The following BLVRB variants were observed in gnomAD, a reference collection of about 807,000 sequenced individuals.
The protein encoded by BLVRB is flavin reductase (NADPH).
BLVRB carries 25 observed loss-of-function variants against 21.1 expected under a neutral mutation model. The observed-to-expected ratio is 1.19, with a 90% CI of 0.86 to 1.66. The LOEUF (loss-of-function observed/expected upper bound fraction) is 1.66, where lower values mean the gene tolerates loss of function less well. BLVRB is among the 40% of genes most tolerant of loss of function. BLVRB has a pLI of 0.00. For missense variants in BLVRB, 274 were observed against 282.7 expected (o/e 0.97, Z 0.22); for synonymous variants, 128 against 122.2 (o/e 1.05, Z -0.31).
At chr19:40,458,290 G>A (rs761424530) in intron 2 of BLVRB, 46 bp from the exon 3 acceptor site, 23 of 1,532,050 alleles carry the variant, frequency 1.5e-5, no homozygotes, top group South Asian at 4.8e-5. Flanking sequence ...CGGCGGCGGC[G>A]GCAGGGGTGG....
At chr19:40,464,826 C>T (rs945495154) in intron 1 of BLVRB, among the ~76,000 whole-genome samples, 11 of 152,160 alleles carry the variant, frequency 7.2e-5, no homozygotes, top group African/African-American at 2.7e-4. Flanking sequence ...TCTTCAGCGT[C>T]CCCAAGGCCT....
intron 1 of BLVRB, 136 bp downstream of exon 1, chr19:40,465,474 G>C: frequency 2.8e-6 from 3 of 1,079,146 alleles, no homozygotes; most frequent in Non-Finnish European, 4.0e-6. Flanking sequence ...GTGGCCACTT[G>C]CTTTGGCCCC....
intron 1 of BLVRB, 37 bp downstream of exon 1, chr19:40,465,573 C>T: frequency 6.3e-7 from 1 of 1,589,550 alleles, no homozygotes; most frequent in South Asian, 1.1e-5. Flanking sequence ...TTCTGCCCGT[C>T]TGTCCCGTGA....
At chr19:40,455,830 T>C (rs997255974) in intron 3 of BLVRB, among the ~76,000 whole-genome samples, 1 of 152,010 alleles carries the variant, frequency 6.6e-6, no homozygotes. Flanking sequence ...AATATGGCTG[T>C]TGGCCAGGTG....
intron 4 of BLVRB, 138 bp from the exon 5 acceptor site, chr19:40,448,184 C>T: frequency 1.2e-6 from 1 of 817,438 alleles, no homozygotes; most frequent in Non-Finnish European, 1.9e-6. Flanking sequence ...ATGGACTTTC[C>T]ATATGCAGGT....
At chr19:40,452,809 G>A (rs2145778007) in intron 3 of BLVRB, among the ~76,000 whole-genome samples, 1 of 152,064 alleles carries the variant, frequency 6.6e-6, no homozygotes. Context: ...AGGTTGCAGT[G>A]AGCTGAGATC....
At chr19:40,451,846 T>C (rs1284435362) in intron 3 of BLVRB, among the ~76,000 whole-genome samples, 1 of 152,202 alleles carries the variant, frequency 6.6e-6, no homozygotes, top group African/African-American at 2.4e-5. Context: ...GGCTCGCTTG[T>C]CTTGATGCCA....
intron 3 of BLVRB, chr19:40,457,765 C>T (rs2079767935): frequency 8.8e-6 from 2 of 225,992 alleles, no homozygotes; most frequent in South Asian, 1.4e-4. Flanking sequence ...AGTGTCTATC[C>T]ACAGCTCTAT....
chr19:40,465,669 G>A lies in BLVRB; in HGVS notation c.20C>T (p.Ala7Val), dbSNP rs201245832. MAVKKIAIFGATGQTGL... is the reference protein window; with the variant it reads MAVKKIVIFGATGQTGL... ...GGTCTGGCCAGTGGCGCCGAAGATCGCGATCTTCTTGACGGCCATCGTACG... is the reference window on the plus strand; with the variant it reads ...GGTCTGGCCAGTGGCGCCGAAGATCACGATCTTCTTGACGGCCATCGTACG... The change falls in exon 1 of 5, where the codon GCG (alanine) becomes GTG (valine). Residue 7 changes from alanine (A) to valine (V), a missense_variant. Ala to Val is a moderately conservative substitution (Grantham distance 64, BLOSUM62 0). Transcript: ENST00000263368. 20 of 1,612,828 alleles carry A rather than the reference G, an allele frequency of 1.2e-5. No individual in the cohort carries two copies. In the East Asian group the frequency reaches 2.5e-4, roughly 20 times the overall value.
At chr19:40,453,527 A>G (rs2079749772) in intron 3 of BLVRB, among the ~76,000 whole-genome samples, 1 of 152,218 alleles carries the variant, frequency 6.6e-6, no homozygotes, top group South Asian at 2.1e-4. Flanking sequence ...AACTTGGCCA[A>G]GCTACACCAG....
At chr19:40,459,517 G>T (rs1390962924) in intron 1 of BLVRB, among the ~76,000 whole-genome samples, 1 of 149,336 alleles carries the variant, frequency 6.7e-6, no homozygotes, top group South Asian at 2.2e-4. Flanking sequence ...GCACAATCTC[G>T]GCTCACTGCA....
chr19:40,459,327 C>CAAAAAAAAAAAAAAAAA lies in BLVRB; in HGVS notation c.80-799_80-783dup, dbSNP rs751696189. On this transcript the variant is annotated intron_variant, in intron 1 of 4. Transcript: ENST00000263368. ...TGGATGACAAAGCGAGACTCTATCT[C>CAAAAAAAAAAAAAAAAA]AAAAAAAAAAAAAAAAAAAAAAAAA... Among the ~76,000 whole-genome samples the CAAAAAAAAAAAAAAAAA allele has an allele frequency of 5.8e-5, 2 of 34,398 alleles. 1 individual carries two copies. Among genetic ancestry groups the CAAAAAAAAAAAAAAAAA allele is most frequent in the Non-Finnish European group, 1.1e-4 (2 of 18,950 alleles). 22.6% of individuals were successfully genotyped at this position (34,398 alleles called of 152,430 possible).
intron 4 of BLVRB, among the ~76,000 whole-genome samples, chr19:40,449,493 G>T (rs1356519114): frequency 6.6e-6 from 1 of 152,144 alleles, no homozygotes; most frequent in African/African-American, 2.4e-5. Context: ...AGATCCACCC[G>T]CCTCAGCCTC....
At chr19:40,461,237 C>T (rs1029239535) in intron 1 of BLVRB, among the ~76,000 whole-genome samples, 3 of 152,136 alleles carry the variant, frequency 2.0e-5, no homozygotes, top group African/African-American at 7.2e-5. Context: ...TCCAGGCCTA[C>T]GTCTCCTTCC....
At chr19:40,465,493 C>T (rs557736769) in intron 1 of BLVRB, 117 bp downstream of exon 1, 2 of 1,313,236 alleles carry the variant, frequency 1.5e-6, no homozygotes, top group East Asian at 5.0e-5. Flanking sequence ...CCTGAGTCCT[C>T]ATACACCTGG....
At chr19:40,455,325 AGT>A (rs1015173656) in intron 3 of BLVRB, among the ~76,000 whole-genome samples, 6 of 152,370 alleles carry the variant, frequency 3.9e-5, no homozygotes, top group African/African-American at 1.4e-4. Flanking sequence ...AGATAATTAA[AGT>A]GTGACAATAG....
intron 1 of BLVRB, among the ~76,000 whole-genome samples, chr19:40,459,327 CAAAAAAAAAAAAAAAAAAAA>C (rs751696189): frequency 2.0e-4 from 7 of 34,398 alleles, no homozygotes; most frequent in South Asian, 1.7e-3. Flanking sequence ...GACTCTATCT[CAAAAAAAAAAAAAAAAAAAA>C]AAAAAAAAAA....
chr19:40,460,552 T>C (rs1224455468), intron 1 of BLVRB, among the ~76,000 whole-genome samples: 9 of 151,270 alleles, frequency 5.9e-5, no homozygotes, highest in Admixed American at 5.3e-4. Flanking sequence ...TGAGCTATGA[T>C]TGTACCACTG....
At chr19:40,458,570 C>A in intron 1 of BLVRB, 25 bp from the exon 2 acceptor site, 2 of 1,564,080 alleles carry the variant, frequency 1.3e-6, no homozygotes, top group East Asian at 2.3e-5. Context: ...GAGCAGAGAG[C>A]CTGGTCAGTG....
Sources: gnomAD v4.1 joint callset for allele counts (sites outside exome capture counted in the v4.1 genomes callset) on GRCh38, gnomAD v4.1.1 for gene constraint, MANE v1.5 for transcripts, NCBI Gene and HGNC (gene_info 2026-07-23, HGNC 2026-07-21) for gene names.